ZNF823: variants seen among roughly 807,000 people sequenced by gnomAD.
ZNF823 encodes the protein ZFP 36 for a zinc finger protein.
A neutral mutation model predicts 11.4 loss-of-function variants in ZNF823; 5 were observed. That is an observed-to-expected ratio of 0.44 (90% CI 0.23 to 0.92). The LOEUF is 0.92. Ranked by LOEUF, ZNF823 falls within the 40% of genes least tolerant of loss-of-function variation. The pLI is 0.24. For missense variants in ZNF823, 582 were observed against 738.5 expected (o/e 0.79, Z 2.46); for synonymous variants, 234 against 250.5 (o/e 0.93, Z 0.62).
chr19:11,721,542 A>G lies in ZNF823; in HGVS notation c.*159T>C. On this transcript the variant is annotated 3_prime_UTR_variant, in exon 4 of 4. Transcript: ENST00000341191. ...ATCTGTGGATTTAGAGGGTGCTGGA[A>G]CCAATCCCCTGCAATATATTGGGGG... 1 of 714,412 alleles carries G rather than the reference A, an allele frequency of 1.4e-6. No homozygotes were observed. 44.3% of individuals were successfully genotyped at this position (714,412 alleles called of 1,614,324 possible).
At chr19:11,725,713 T>C (rs1957205807) in intron 1 of ZNF823, among the ~76,000 whole-genome samples, 1 of 152,162 alleles carries the variant, frequency 6.6e-6, no homozygotes, top group African/African-American at 2.4e-5. Context: ...AAATGCTCAT[T>C]TGCAAACTTG....
intron 1 of ZNF823, among the ~76,000 whole-genome samples, chr19:11,734,089 G>T (rs1974950832): frequency 6.6e-6 from 1 of 151,914 alleles, no homozygotes; most frequent in Non-Finnish European, 1.5e-5. Context: ...ACAAAAATTA[G>T]CCGGGCCTAG....
rs1555766612 is a variant in ZNF823 at position 11,726,287 on chromosome 19, C to CATATACATATATATATATATATATAT, written c.4-961_4-960insATATATATATATATATATATGTATAT. Among the ~76,000 whole-genome samples, 372 of 112,056 alleles carry CATATACATATATATATATATATATAT rather than the reference C, an allele frequency of 3.3e-3. 10 individuals carry two copies. The highest frequency in any genetic ancestry group is 0.014 in the East Asian group (49 of 3,404). 73.5% of individuals were successfully genotyped at this position (112,056 alleles called of 152,430 possible). ...AGTAAAAAACAAAAAATAAAAAATA[C>CATATACATATATATATATATATATAT]ATATATATATATATATATATAAATT... On this transcript the variant is annotated intron_variant, in intron 1 of 3. Coordinates refer to ENST00000341191, the MANE Select transcript of ZNF823 (RefSeq NM_001080493.4).
At chr19:11,727,909 C>A (rs546087722) in intron 1 of ZNF823, among the ~76,000 whole-genome samples, 1 of 148,656 alleles carries the variant, frequency 6.7e-6, no homozygotes, top group Admixed American at 6.7e-5. Flanking sequence ...TTTTTTGAGA[C>A]GGGAGTCTCG....
intron 1 of ZNF823, 56 bp downstream of exon 1, chr19:11,738,761 G>C: frequency 1.3e-6 from 2 of 1,577,866 alleles, no homozygotes; most frequent in Non-Finnish European, 1.7e-6. Flanking sequence ...GGTCGGTTCC[G>C]GCCGGTTCCA....
In ZNF823 at chr19:11,737,679, G is replaced by A. The variant is rs537736492; in HGVS notation, c.3+1138C>T. Among the ~76,000 whole-genome samples, 10 of 150,738 alleles carry A rather than the reference G, an allele frequency of 6.6e-5. No homozygotes were observed. In the East Asian group the frequency reaches 1.8e-3, roughly 27 times the overall value. On this transcript the variant is annotated intron_variant, in intron 1 of 3. Transcript: ENST00000341191. ...TTTAAAAAGAGCCATACATTGCTAT[G>A]TGAAAAGAAAGTGACAATTAAAATA...
chr19:11,727,026 T>A (rs1395152460), intron 1 of ZNF823, among the ~76,000 whole-genome samples: 1 of 152,130 alleles, frequency 6.6e-6, no homozygotes, highest in Non-Finnish European at 1.5e-5. Flanking sequence ...ATGGAAAAAT[T>A]ACACATTTTT....
rs1974766172 is a variant in ZNF823 at position 11,725,056 on chromosome 19, CTGTT to C, written c.130+141_130+144del. The C allele has an allele frequency of 3.9e-5, 41 of 1,059,722 alleles. No individual in the cohort carries two copies. The South Asian group carries it at 6.0e-4, about 16-fold the overall frequency. 65.6% of individuals were successfully genotyped at this position (1,059,722 alleles called of 1,614,324 possible). On this transcript the variant is annotated intron_variant, in intron 2 of 3. Transcript: ENST00000341191. The stretch of plus-strand genomic sequence containing the variant: ...AAAAAAGTTATTAGAGGATGTAAGA[CTGTT>C]TGAGGGGCTGACACCTCTAAACCCT...
chr19:11,728,861 C>T (rs1311898640), intron 1 of ZNF823, among the ~76,000 whole-genome samples: 1 of 151,996 alleles, frequency 6.6e-6, no homozygotes, highest in Non-Finnish European at 1.5e-5. Context: ...AAGACATGGA[C>T]TGGCTGAATA....
intron 1 of ZNF823, among the ~76,000 whole-genome samples, chr19:11,733,904 C>T (rs762405854): frequency 4.6e-5 from 7 of 151,902 alleles, no homozygotes; most frequent in African/African-American, 1.7e-4. Flanking sequence ...TGAATTTAAC[C>T]CCAGCTCTGT....
chr19:11,724,555 C>CTT (rs751508496), intron 2 of ZNF823, among the ~76,000 whole-genome samples: 90 of 126,080 alleles, frequency 7.1e-4, no homozygotes, highest in Non-Finnish European at 8.1e-4. Flanking sequence ...AGTTTCTCAT[C>CTT]TTTTTTTTTT....
chr19:11,723,226 C>T lies in ZNF823; in HGVS notation c.308G>A (p.Cys103Tyr). 2 of 1,614,148 alleles carry T rather than the reference C, an allele frequency of 1.2e-6. No homozygotes were observed. The highest frequency in any genetic ancestry group is 1.1e-5 in the South Asian group (1 of 91,082). ...CGAATGACCCAAGACGACTTCTCCA[C>T]ACTCACCACTGTCACATGGATTTAC... ...PRVNPCDSGE[C>Y]GEVVLGHSSL... Residue 103 changes from cysteine (C) to tyrosine (Y), a missense_variant, in exon 4 of 4, where the codon TGT (cysteine) becomes TAT (tyrosine). Physicochemically the swap from Cys to Tyr is radical, Grantham distance 194 (BLOSUM62 -2). This residue lies in a region of ZNF823 where 429 missense variants were observed against 553.7 expected (regional missense o/e 0.77). Coordinates refer to ENST00000341191, the MANE Select transcript of ZNF823 (RefSeq NM_001080493.4).
At chr19:11,735,182 G>A (rs1408438013) in intron 1 of ZNF823, among the ~76,000 whole-genome samples, 1 of 151,072 alleles carries the variant, frequency 6.6e-6, no homozygotes, top group Non-Finnish European at 1.5e-5. Flanking sequence ...GGCTGAGGCA[G>A]GAGAATCACT....
intron 1 of ZNF823, among the ~76,000 whole-genome samples, chr19:11,734,830 G>A (rs997565040): frequency 1.4e-4 from 22 of 152,008 alleles, no homozygotes; most frequent in African/African-American, 4.8e-4. Context: ...TGAGCCATGC[G>A]CCCATCCACA....
intron 1 of ZNF823, among the ~76,000 whole-genome samples, chr19:11,733,620 G>A (rs1192582230): frequency 2.0e-5 from 3 of 151,812 alleles, no homozygotes; most frequent in Non-Finnish European, 1.5e-5. Context: ...GATTGTTTGA[G>A]CCCAGGAGAT....
chr19:11,722,216 C>T lies in ZNF823; in HGVS notation c.1318G>A (p.Gly440Arg). The change falls in exon 4 of 4, where the codon GGA becomes AGA. Residue 440 changes from glycine (G) to arginine (R), a missense_variant. Coordinates refer to ENST00000341191, the MANE Select transcript of ZNF823 (RefSeq NM_001080493.4). The surrounding 1 kb of genome is among the most constrained non-coding windows in gnomAD (Gnocchi z 5.2). ...SLRRHEATHT[G>R]VKPYKCQCGK... ...CACTGACATTTATAGGGTTTCACTC[C>T]AGTGTGAGTTGCTTCATGTCTTCGA... 1 of 1,614,060 alleles carries T rather than the reference C, an allele frequency of 6.2e-7. No individual in the cohort carries two copies. The highest frequency in any genetic ancestry group is 8.5e-7 in the Non-Finnish European group (1 of 1,180,018).
intron 1 of ZNF823, among the ~76,000 whole-genome samples, chr19:11,735,551 C>T (rs1974979193): frequency 6.6e-6 from 1 of 152,148 alleles, no homozygotes; most frequent in African/African-American, 2.4e-5. Flanking sequence ...AAAGGCTCCT[C>T]CCATGTTTGG....
rs757727023 is a variant in ZNF823, at chr19:11,722,302, G to T, written c.1232C>A (p.Thr411Asn). Residue 411 changes from threonine to asparagine, a missense_variant, in exon 4 of 4, where the codon ACT (threonine) becomes AAT (asparagine). Thr to Asn is a moderately conservative substitution (Grantham distance 65). Coordinates refer to ENST00000341191, the MANE Select transcript of ZNF823 (RefSeq NM_001080493.4). The surrounding 1 kb of genome is among the most constrained non-coding windows in gnomAD (Gnocchi z 5.2). ...SLFQRHERTH[T>N]GEKPYQCKQC... ...TTTACATTGATAGGGTTTCTCTCCA[G>T]TGTGAGTCCTTTCATGTCTTTGAAA... The T allele has an allele frequency of 9.3e-6, 15 of 1,614,096 alleles. No homozygotes were observed. Among genetic ancestry groups the T allele is most frequent in the Non-Finnish European group, 1.3e-5 (15 of 1,180,028 alleles).
intron 1 of ZNF823, among the ~76,000 whole-genome samples, chr19:11,732,456 C>T (rs1488473823): frequency 6.6e-6 from 1 of 150,892 alleles, no homozygotes; most frequent in Non-Finnish European, 1.5e-5. Context: ...TGAGCCACCG[C>T]GCCCGGCCAT....
Sources: allele counts gnomAD v4.1 joint callset (sites outside exome capture counted in the v4.1 genomes callset), GRCh38; gene constraint gnomAD v4.1.1; regional missense constraint gnomAD v4.1.1; non-coding constraint Gnocchi (gnomAD v3.1); transcripts MANE v1.5; gene names NCBI Gene and HGNC (gene_info 2026-07-23, HGNC 2026-07-21).